TBC1D16: variants seen among roughly 807,000 people sequenced by gnomAD.
The protein encoded by TBC1D16 is TBC1 domain family member 16.
Under a neutral mutation model 74.7 loss-of-function variants are expected in TBC1D16, and 58 were observed. That is an observed-to-expected ratio of 0.78 (90% CI 0.63 to 0.97). The LOEUF (loss-of-function observed/expected upper bound fraction) is 0.97. Ranked by LOEUF, TBC1D16 falls within the 50% of genes least tolerant of loss-of-function variation. The pLI is 0.00. For synonymous variants in TBC1D16, 493 were observed against 474.7 expected (o/e 1.04, Z -0.50); for missense variants, 1,014 against 1,079.5 (o/e 0.94, Z 0.85).
rs2035780193 is a variant in TBC1D16, at chr17:80,009,030, G to A, written c.779+1130C>T. Among the ~76,000 whole-genome samples the A allele has an allele frequency of 1.3e-5, 2 of 152,206 alleles. No individual in the cohort carries two copies. The highest frequency in any genetic ancestry group is 2.9e-5 in the Non-Finnish European group (2 of 68,040). ...CTGGCAAGCTGCTGACCTTCTCCGA[G>A]CCGCCCTTTCCCCTTCGATAGCAGG... On this transcript the variant is annotated intron_variant, in intron 3 of 11. Transcript: ENST00000310924. This position sits in a 1 kb window ranked among gnomAD's most constrained non-coding sequence, Gnocchi z 5.4.
At position 79,954,695 on chromosome 17, in the gene TBC1D16, A is replaced by T. The variant is rs1012684032; in HGVS notation, c.780-1877T>A. On this transcript the variant is annotated intron_variant, in intron 3 of 11. Transcript: ENST00000310924. This position sits in a 1 kb window ranked among gnomAD's most constrained non-coding sequence, Gnocchi z 5.5. ...GCACCCATGGGTGCCCCCTTCTGTC[A>T]TCTGCTCATTGAACCGCGGGGCTGC... Among the ~76,000 whole-genome samples, 1 of 152,086 alleles carries T rather than the reference A, an allele frequency of 6.6e-6. No homozygotes were observed. Among genetic ancestry groups the T allele is most frequent in the African/African-American group, 2.4e-5 (1 of 41,398 alleles).
At chr17:79,999,876 T>C (rs906450473) in intron 3 of TBC1D16, among the ~76,000 whole-genome samples, 2 of 151,972 alleles carry the variant, frequency 1.3e-5, no homozygotes, top group African/African-American at 4.8e-5. Flanking sequence ...CACAATCTCT[T>C]TTGTCTCTTT....
At position 79,950,984 on chromosome 17, in the gene TBC1D16, T is replaced by C; in HGVS notation, c.1090-406A>G. The C allele has an allele frequency of 1.3e-6, 1 of 779,032 alleles. No homozygotes were observed. The highest frequency in any genetic ancestry group is 2.0e-6 in the Non-Finnish European group (1 of 512,242). 48.3% of individuals were successfully genotyped at this position (779,032 alleles called of 1,614,324 possible). A position where few individuals can be genotyped will look rare whatever the true frequency, so the allele number is the denominator to read the frequency against. ...CCTGTCAGATTGCCTCCGCGAGCAG[T>C]CACGAATCCAGGGCAAAACTGCAGC... is the stretch of plus-strand genomic sequence containing the variant. On this transcript the variant is annotated intron_variant, in intron 5 of 11. Coordinates refer to ENST00000310924, the MANE Select transcript of TBC1D16 (RefSeq NM_019020.4). The surrounding 1 kb of genome is among the most constrained non-coding windows in gnomAD (Gnocchi z 4.6).
intron 8 of TBC1D16, 150 bp downstream of exon 8, chr17:79,948,722 G>T: frequency 9.3e-7 from 1 of 1,078,024 alleles, no homozygotes; most frequent in Non-Finnish European, 1.4e-6. Flanking sequence ...TAGCTCATGA[G>T]TAGCGTATCC....
At chr17:79,984,560 A>AAAAAAGAG (rs2034735915) in intron 3 of TBC1D16, among the ~76,000 whole-genome samples, 1 of 132,582 alleles carries the variant, frequency 7.5e-6, no homozygotes, top group Non-Finnish European at 1.7e-5. Context: ...AAAAGAAAGA[A>AAAAAAGAG]AGAGAGAGAG....
Position 79,948,992 on chromosome 17 carries a change from G to A in TBC1D16, c.1421C>T (p.Pro474Leu), listed in dbSNP as rs2032806228. ...EIQQKRLSMT[P>L]EEHRAFWRNV... ...ACGCCAGAACGCTCTGTGCTCCTCG[G>A]GAGTCATGGAGAGCCTGTGTGGAGC... Residue 474 changes from proline to leucine, a missense_variant, in exon 8 of 12, where the codon CCC becomes CTC. Coordinates refer to ENST00000310924, the MANE Select transcript of TBC1D16 (RefSeq NM_019020.4). 1.9e-6 allele frequency: 3 copies of A among 1,614,132 alleles called. No homozygotes were observed. The highest frequency in any genetic ancestry group is 2.5e-6 in the Non-Finnish European group (3 of 1,180,008).
Position 79,986,165 on chromosome 17 carries a change from C to G in TBC1D16, c.779+23995G>C, listed in dbSNP as rs2034826000. On this transcript the variant is annotated intron_variant, in intron 3 of 11. Coordinates refer to ENST00000310924, the MANE Select transcript of TBC1D16 (RefSeq NM_019020.4). This position sits in a 1 kb window ranked among gnomAD's most constrained non-coding sequence, Gnocchi z 6.0. ...GCAGCTGCATGAATCACTGCAGTGC[C>G]AATTTCCTCGTGGTCCCAAAGTGCG... Among the ~76,000 whole-genome samples the G allele has an allele frequency of 6.6e-6, 1 of 152,178 alleles. No individual in the cohort carries two copies. The highest frequency in any genetic ancestry group is 2.1e-4 in the South Asian group (1 of 4,828).
intron 9 of TBC1D16, among the ~76,000 whole-genome samples, chr17:79,946,192 A>G (rs926695469): frequency 1.3e-5 from 2 of 152,316 alleles, no homozygotes; most frequent in East Asian, 3.9e-4. Context: ...CGTTTCCTGG[A>G]AGACAATTTT....
chr17:80,016,761 C>G lies in TBC1D16; in HGVS notation c.-62-3152G>C, dbSNP rs1202626778. Among the ~76,000 whole-genome samples, 3 of 152,322 alleles carry G rather than the reference C, an allele frequency of 2.0e-5. No homozygotes were observed. In the South Asian group the frequency reaches 6.2e-4, roughly 32 times the overall value. ...TCTCTGGGTTCCTCTCCTCTGACCC[C>G]CTCCATGCTTCAGCCTCCCCCAGCC... On this transcript the variant is annotated intron_variant, in intron 1 of 11. Coordinates refer to ENST00000310924, the MANE Select transcript of TBC1D16 (RefSeq NM_019020.4).
At chr17:79,948,068 T>C (rs561391112) in intron 8 of TBC1D16, among the ~76,000 whole-genome samples, 121 of 152,038 alleles carry the variant, frequency 8.0e-4, no homozygotes, top group African/African-American at 2.9e-3. Context: ...CCCAGCACTT[T>C]GGGAGGCTGA....
intron 1 of TBC1D16, among the ~76,000 whole-genome samples, chr17:80,033,396 C>T (rs2036840757): frequency 6.6e-6 from 1 of 151,366 alleles, no homozygotes; most frequent in South Asian, 2.1e-4. Flanking sequence ...TTTTTTTAAG[C>T]AGAGTCTCAC....
At chr17:79,974,967 TTTGACCTGGG>T (rs1427846911) in intron 3 of TBC1D16, among the ~76,000 whole-genome samples, 1 of 152,308 alleles carries the variant, frequency 6.6e-6, no homozygotes, top group Non-Finnish European at 1.5e-5. Flanking sequence ...GGTTTTTGCC[TTTGACCTGGG>T]GTTGGGGCCA....
intron 1 of TBC1D16, among the ~76,000 whole-genome samples, chr17:80,019,863 G>C (rs539755375): frequency 6.7e-6 from 1 of 149,634 alleles, no homozygotes; most frequent in Non-Finnish European, 1.5e-5. Context: ...TATTTTCCCA[G>C]GTGAAGTATA....
chr17:79,986,794 TG>T lies in TBC1D16; in HGVS notation c.779+23365del, dbSNP rs2144399440. 6.6e-6 allele frequency among the ~76,000 whole-genome samples: 1 copy of T among 152,214 alleles called. No homozygotes were observed. Among genetic ancestry groups the T allele is most frequent in the South Asian group, 2.1e-4 (1 of 4,808 alleles). On this transcript the variant is annotated intron_variant, in intron 3 of 11. Transcript: ENST00000310924. The surrounding 1 kb of genome is among the most constrained non-coding windows in gnomAD (Gnocchi z 6.0). ...CAGAGCCTCAGCCCGCAGCGGGAGA[TG>T]ACACCTCCGATCAGGTCCACGGGAA...
Position 80,006,226 on chromosome 17 carries a change from TTCTCTC to T in TBC1D16, c.779+3928_779+3933del, listed in dbSNP as rs113353447. 4.7e-5 allele frequency among the ~76,000 whole-genome samples: 7 copies of T among 148,914 alleles called. No individual in the cohort carries two copies. The South Asian group carries it at 6.4e-4, about 14-fold the overall frequency. ...TCTCTCGCTCTCTTTCTCTCTTTCTTTCTCTCTCTCTCTCTCTCTCTCAGCCCCTTC... is the reference window on the plus strand; with the variant it reads ...TCTCTCGCTCTCTTTCTCTCTTTCTTTCTCTCTCTCTCTCTCAGCCCCTTC... On this transcript the variant is annotated intron_variant, in intron 3 of 11. Coordinates refer to ENST00000310924, the MANE Select transcript of TBC1D16 (RefSeq NM_019020.4).
rs1335086801 is a variant in TBC1D16, at chr17:79,988,401, G to A, written c.779+21759C>T. On this transcript the variant is annotated intron_variant, in intron 3 of 11. Coordinates refer to ENST00000310924, the MANE Select transcript of TBC1D16 (RefSeq NM_019020.4). The surrounding 1 kb of genome is among the most constrained non-coding windows in gnomAD (Gnocchi z 5.7). ...CAAACTGAAACATTTTCCTTTTGTC[G>A]ACTGTAGAGAGCTATGAGTCAGGTC... Among the ~76,000 whole-genome samples, 4 of 152,358 alleles carry A rather than the reference G, an allele frequency of 2.6e-5. No homozygotes were observed. The highest frequency in any genetic ancestry group is 2.1e-4 in the South Asian group (1 of 4,832).
In TBC1D16 at chr17:80,008,289, G is replaced by C. The variant is rs1383858623; in HGVS notation, c.779+1871C>G. On this transcript the variant is annotated intron_variant, in intron 3 of 11. Transcript: ENST00000310924. This position sits in a 1 kb window ranked among gnomAD's most constrained non-coding sequence, Gnocchi z 4.5. The stretch of plus-strand genomic sequence containing the variant: ...ACAAACAGGGAAACCGAGGCTCCAA[G>C]AAAAGAAAGAATTTCCCAGGTTCAC... Among the ~76,000 whole-genome samples the C allele has an allele frequency of 6.6e-6, 1 of 152,170 alleles. No homozygotes were observed. Among genetic ancestry groups the C allele is most frequent in the Non-Finnish European group, 1.5e-5 (1 of 68,044 alleles).
chr17:80,021,237 G>A (rs559230886), intron 1 of TBC1D16, among the ~76,000 whole-genome samples: 5 of 149,038 alleles, frequency 3.4e-5, no homozygotes, highest in Admixed American at 2.6e-4. Flanking sequence ...GGAAACAAGA[G>A]TGAAACTCCA....
At chr17:80,029,733 T>C (rs903686058) in intron 1 of TBC1D16, among the ~76,000 whole-genome samples, 1 of 152,208 alleles carries the variant, frequency 6.6e-6, no homozygotes, top group African/African-American at 2.4e-5. Flanking sequence ...TCCACGCGTA[T>C]GAGCTTCCTA....
Sources: allele counts gnomAD v4.1 joint callset (sites outside exome capture counted in the v4.1 genomes callset), GRCh38; gene constraint gnomAD v4.1.1; non-coding constraint Gnocchi (gnomAD v3.1); transcripts MANE v1.5; gene names NCBI Gene and HGNC (gene_info 2026-07-23, HGNC 2026-07-21).